Variants in ENTHD1 observed in about 807,000 individuals in gnomAD.
ENTHD1 encodes ENTH domain containing 1.
Under a neutral mutation model 39.1 loss-of-function variants are expected in ENTHD1, and 23 were observed. The observed-to-expected ratio is 0.59, with a 90% CI of 0.42 to 0.83. The LOEUF (loss-of-function observed/expected upper bound fraction) is 0.83. Among genes scored for constraint, ENTHD1 ranks in the 40% least tolerant of loss-of-function variants. The pLI, the probability that ENTHD1 is intolerant of heterozygous loss-of-function variation, is 0.00. For missense variants in ENTHD1, 624 were observed against 705.4 expected (o/e 0.88, Z 1.31); for synonymous variants, 230 against 258.2 (o/e 0.89, Z 1.05).
chr22:39,789,406 C>A (rs971180479), intron 5 of ENTHD1, among the ~76,000 whole-genome samples: 2 of 152,136 alleles, frequency 1.3e-5, no homozygotes, highest in African/African-American at 4.8e-5. Context: ...TCCATTCGTA[C>A]CTTTCAACTG....
intron 6 of ENTHD1, among the ~76,000 whole-genome samples, chr22:39,760,009 T>C (rs1309246612): frequency 6.6e-6 from 1 of 152,032 alleles, no homozygotes; most frequent in African/African-American, 2.4e-5. Flanking sequence ...TATTTCAAAA[T>C]AGTTTTTGTT....
intron 4 of ENTHD1, among the ~76,000 whole-genome samples, chr22:39,831,529 TAAAG>T (rs2065868839): frequency 6.6e-6 from 1 of 151,854 alleles, no homozygotes; most frequent in African/African-American, 2.4e-5. Flanking sequence ...GTCAATATAA[TAAAG>T]AAATATAGGG....
chr22:39,885,216 T>C (rs2066370357), intron 2 of ENTHD1, among the ~76,000 whole-genome samples: 1 of 152,180 alleles, frequency 6.6e-6, no homozygotes, highest in Non-Finnish European at 1.5e-5. Flanking sequence ...AAAGAAGACA[T>C]ACAAATTGCC....
chr22:39,835,653 C>A (rs145258124), intron 4 of ENTHD1, among the ~76,000 whole-genome samples, 187 bp downstream of exon 4: 29 of 152,118 alleles, frequency 1.9e-4, no homozygotes, highest in African/African-American at 6.7e-4. Flanking sequence ...TTAAAAAAAA[C>A]CCAAAACATA....
chr22:39,768,013 A>G (rs1202857190), intron 5 of ENTHD1, among the ~76,000 whole-genome samples: 1 of 152,194 alleles, frequency 6.6e-6, no homozygotes. Flanking sequence ...ACCTAGAAGA[A>G]GCCAAATGAA....
intron 2 of ENTHD1, among the ~76,000 whole-genome samples, chr22:39,868,267 GC>G (rs998756251): frequency 4.0e-5 from 6 of 151,542 alleles, no homozygotes; most frequent in Non-Finnish European, 8.8e-5. Flanking sequence ...CAGGGCATGT[GC>G]CCCAAGCCAA....
chr22:39,811,933 C>G (rs2065689714), intron 5 of ENTHD1, among the ~76,000 whole-genome samples: 1 of 151,372 alleles, frequency 6.6e-6, no homozygotes. Flanking sequence ...GAGCCGAGAT[C>G]AAGTCACTGC....
intron 3 of ENTHD1, among the ~76,000 whole-genome samples, chr22:39,856,966 C>T (rs1192361234): frequency 6.6e-6 from 1 of 151,792 alleles, no homozygotes; most frequent in Non-Finnish European, 1.5e-5. Context: ...AGGCTTAGAA[C>T]AATGTCTGGC....
At chr22:39,814,684 AT>A (rs1198894552) in intron 5 of ENTHD1, among the ~76,000 whole-genome samples, 1 of 152,208 alleles carries the variant, frequency 6.6e-6, no homozygotes, top group African/African-American at 2.4e-5. Context: ...TCAATAAATG[AT>A]TCTGGGACAG....
chr22:39,778,911 C>T (rs1242704292), intron 5 of ENTHD1, among the ~76,000 whole-genome samples: 1 of 152,134 alleles, frequency 6.6e-6, no homozygotes, highest in African/African-American at 2.4e-5. Context: ...ATCATTAGGC[C>T]AGTGAAGCCT....
chr22:39,869,812 A>G (rs557763969), intron 2 of ENTHD1, among the ~76,000 whole-genome samples: 1 of 152,128 alleles, frequency 6.6e-6, no homozygotes, highest in Non-Finnish European at 1.5e-5. Flanking sequence ...ATAAAAGTAT[A>G]AAACAAAACA....
At chr22:39,760,510 T>C (rs1428949866) in intron 6 of ENTHD1, among the ~76,000 whole-genome samples, 1 of 152,044 alleles carries the variant, frequency 6.6e-6, no homozygotes, top group Non-Finnish European at 1.5e-5. Flanking sequence ...AATTTATGTC[T>C]TTGTATTTAA....
intron 1 of ENTHD1, among the ~76,000 whole-genome samples, chr22:39,891,018 T>C (rs2066422449): frequency 6.6e-6 from 1 of 152,228 alleles, no homozygotes; most frequent in South Asian, 2.1e-4. Flanking sequence ...AGATTGTAAC[T>C]ACAGTGATGT....
intron 5 of ENTHD1, among the ~76,000 whole-genome samples, chr22:39,792,947 C>T (rs2065516525): frequency 1.3e-5 from 2 of 151,880 alleles, no homozygotes; most frequent in Non-Finnish European, 2.9e-5. Flanking sequence ...GGATAAATAC[C>T]CAGAAGAGGG....
chr22:39,819,595 A>C (rs1187879562), intron 5 of ENTHD1, among the ~76,000 whole-genome samples: 1 of 152,080 alleles, frequency 6.6e-6, no homozygotes, highest in Admixed American at 6.6e-5. Flanking sequence ...AGTGGGAGGG[A>C]GGGATGAATA....
intron 3 of ENTHD1, among the ~76,000 whole-genome samples, chr22:39,839,122 T>C (rs879553002): frequency 6.6e-6 from 1 of 152,100 alleles, no homozygotes; most frequent in Non-Finnish European, 1.5e-5. Flanking sequence ...TAAAACTTCA[T>C]ATATCAACTC....
At chr22:39,749,663 C>T (rs923776236) in intron 6 of ENTHD1, among the ~76,000 whole-genome samples, 6 of 152,150 alleles carry the variant, frequency 3.9e-5, no homozygotes, top group Non-Finnish European at 7.4e-5. Flanking sequence ...TTCAGTTTTC[C>T]TAGCTGATAT....
chr22:39,862,752 C>T (rs1004144246), intron 2 of ENTHD1, among the ~76,000 whole-genome samples: 4 of 152,010 alleles, frequency 2.6e-5, no homozygotes, highest in Non-Finnish European at 4.4e-5. Context: ...TATATGTACA[C>T]GGAAGAGAGA....
intron 5 of ENTHD1, among the ~76,000 whole-genome samples, chr22:39,819,326 C>T (rs2065760154): frequency 6.6e-6 from 1 of 151,240 alleles, no homozygotes; most frequent in Non-Finnish European, 1.5e-5. Context: ...GATCGCGCCA[C>T]TGTACTCCAA....
Sources: allele counts gnomAD v4.1 joint callset (sites outside exome capture counted in the v4.1 genomes callset), GRCh38; gene constraint gnomAD v4.1.1; transcripts MANE v1.5; gene names NCBI Gene and HGNC (gene_info 2026-07-23, HGNC 2026-07-21).